The following KIAA1328 variants were observed in gnomAD, a reference collection of about 807,000 sequenced individuals.
The protein encoded by KIAA1328 is protein hinderin.
KIAA1328 carries 52 observed loss-of-function variants against 68.1 expected under a neutral mutation model. The ratio of observed to expected loss-of-function variants is 0.76; its 90% CI spans 0.61 to 0.96. The LOEUF is 0.96. KIAA1328 is among the 40% of genes least tolerant of loss of function. The pLI, the probability that KIAA1328 is intolerant of heterozygous loss-of-function variation, is 0.00. For synonymous variants in KIAA1328, 232 were observed against 239.4 expected (o/e 0.97, Z 0.28); for missense variants, 641 against 677.6 (o/e 0.95, Z 0.60).
intron 5 of KIAA1328, among the ~76,000 whole-genome samples, chr18:36,918,425 T>C (rs2151097692): frequency 6.6e-6 from 1 of 150,686 alleles, no homozygotes; most frequent in African/African-American, 2.4e-5. Context: ...TTTTTTTTTT[T>C]TTTTTGAGAC....
At chr18:36,960,579 G>T (rs1406663639) in intron 6 of KIAA1328, among the ~76,000 whole-genome samples, 2 of 152,156 alleles carry the variant, frequency 1.3e-5, no homozygotes, top group African/African-American at 4.8e-5. Context: ...CCTCATACAG[G>T]CAGGTGCCCC....
intron 9 of KIAA1328, among the ~76,000 whole-genome samples, chr18:37,180,518 T>G (rs2059679470): frequency 6.6e-6 from 1 of 152,176 alleles, no homozygotes; most frequent in Non-Finnish European, 1.5e-5. Context: ...TTTTTATAAC[T>G]TGATAGAAAG....
chr18:36,883,132 A>G (rs1354095997), intron 4 of KIAA1328, among the ~76,000 whole-genome samples: 1 of 152,178 alleles, frequency 6.6e-6, no homozygotes, highest in East Asian at 1.9e-4. Context: ...AGATTTTACC[A>G]TTCTAAACTG....
At chr18:37,112,356 G>A (rs1324226477) in intron 7 of KIAA1328, among the ~76,000 whole-genome samples, 2 of 152,190 alleles carry the variant, frequency 1.3e-5, no homozygotes, top group Admixed American at 6.5e-5. Context: ...AACATTTGCT[G>A]TTCTGCAATA....
intron 7 of KIAA1328, among the ~76,000 whole-genome samples, chr18:37,121,416 TTCTA>T (rs59343128): frequency 0.095 from 14,180 of 148,746 alleles, 799 homozygotes; most frequent in African/African-American, 0.16. Flanking sequence ...ATTTTAGGAC[TTCTA>T]TCTATCTATC....
chr18:36,834,249 T>C, intron 1 of KIAA1328, 71 bp from the exon 2 acceptor site: 1 of 1,359,470 alleles, frequency 7.4e-7, no homozygotes, highest in Non-Finnish European at 9.5e-7. Flanking sequence ...TTATAAGAGG[T>C]ATACAGAACA....
At chr18:37,170,483 A>G (rs140343900) in intron 8 of KIAA1328, among the ~76,000 whole-genome samples, 2 of 152,296 alleles carry the variant, frequency 1.3e-5, no homozygotes, top group Admixed American at 6.5e-5. Context: ...TTCAATAAAT[A>G]TTTCCTGACT....
Position 37,066,890 on chromosome 18 carries a change from G to T in KIAA1328, c.577G>T (p.Val193Leu). ...CAGGTGATCTTGTGGTTCTTTCTAG[G>T]TATCCAGTAGAAAAAGCACTCTCCA... is the stretch of plus-strand genomic sequence containing the variant. The part of the protein sequence containing the change: ...LGAARMQEQQ[V>L]SSRKSTLQCS... Residue 193 changes from valine (V) to leucine (L), a missense_variant and splice_region_variant, in exon 7 of 10, where the codon GTA becomes TTA. Physicochemically the swap from Val to Leu is conservative, Grantham distance 32. Transcript: ENST00000280020. 1 of 1,572,042 alleles carries T rather than the reference G, an allele frequency of 6.4e-7. No individual in the cohort carries two copies. The highest frequency in any genetic ancestry group is 8.6e-7 in the Non-Finnish European group (1 of 1,159,688).
chr18:36,993,565 A>G (rs1449086038), intron 6 of KIAA1328, among the ~76,000 whole-genome samples: 3 of 152,204 alleles, frequency 2.0e-5, no homozygotes, highest in Non-Finnish European at 4.4e-5. Flanking sequence ...GATCAAGTAG[A>G]TATTACACTT....
At chr18:37,160,887 T>C (rs1028245555) in intron 8 of KIAA1328, among the ~76,000 whole-genome samples, 19 of 152,202 alleles carry the variant, frequency 1.2e-4, no homozygotes, top group Non-Finnish European at 2.1e-4. Flanking sequence ...CTGTTATATG[T>C]GGTAGACTTT....
intron 5 of KIAA1328, among the ~76,000 whole-genome samples, chr18:36,915,622 T>C (rs745817325): frequency 1.3e-5 from 2 of 152,186 alleles, no homozygotes; most frequent in Non-Finnish European, 2.9e-5. Flanking sequence ...TACAATGAGA[T>C]AGTATTATCT....
At chr18:36,882,770 C>T (rs1163235508) in intron 4 of KIAA1328, among the ~76,000 whole-genome samples, 1 of 152,188 alleles carries the variant, frequency 6.6e-6, no homozygotes, top group African/African-American at 2.4e-5. Flanking sequence ...CAGACTCTGA[C>T]ATTATGGAAT....
In KIAA1328 at chr18:36,984,912, A is replaced by C. The variant is rs1456982990; in HGVS notation, c.576+25477A>C. On this transcript the variant is annotated intron_variant, in intron 6 of 9. Coordinates refer to ENST00000280020, the MANE Select transcript of KIAA1328 (RefSeq NM_020776.3). ...AGAGCAAGACTCCATCTCAAAAAAA[A>C]AAAAAAAAAAAAAAAATTAAGCAAT... Among the ~76,000 whole-genome samples the C allele has an allele frequency of 5.3e-5, 8 of 151,694 alleles. No individual in the cohort carries two copies. In the East Asian group the frequency reaches 1.2e-3, roughly 22 times the overall value.
chr18:37,108,625 G>A (rs1415302677), intron 7 of KIAA1328, among the ~76,000 whole-genome samples: 1 of 152,100 alleles, frequency 6.6e-6, no homozygotes, highest in Non-Finnish European at 1.5e-5. Context: ...TAAGTGAGAT[G>A]GTTAACACAT....
intron 7 of KIAA1328, among the ~76,000 whole-genome samples, chr18:37,125,872 G>A (rs1322159782): frequency 6.6e-6 from 1 of 152,204 alleles, no homozygotes; most frequent in South Asian, 2.1e-4. Flanking sequence ...AGTTGGTACA[G>A]ATATTCTGAT....
intron 9 of KIAA1328, among the ~76,000 whole-genome samples, chr18:37,187,451 G>A (rs569867261): frequency 2.0e-5 from 3 of 152,250 alleles, no homozygotes; most frequent in South Asian, 2.1e-4. Context: ...TATCTGCATA[G>A]CAAGATAGAA....
At chr18:37,205,233 C>T (rs1034492981) in intron 9 of KIAA1328, among the ~76,000 whole-genome samples, 2 of 152,172 alleles carry the variant, frequency 1.3e-5, no homozygotes, top group African/African-American at 4.8e-5. Flanking sequence ...ACTGACTACA[C>T]ATTAAGGCCA....
intron 5 of KIAA1328, chr18:36,902,197 G>A (rs753150886): frequency 4.6e-5 from 7 of 151,766 alleles, no homozygotes; most frequent in Non-Finnish European, 1.0e-4. Context: ...TAGAAGTGAG[G>A]CAATATTTTC....
At chr18:37,110,590 T>G (rs2151900828) in intron 7 of KIAA1328, among the ~76,000 whole-genome samples, 1 of 152,312 alleles carries the variant, frequency 6.6e-6, no homozygotes, top group East Asian at 1.9e-4. Context: ...TTCTTTACAT[T>G]GATTTTGGGA....
Sources: allele counts gnomAD v4.1 joint callset (sites outside exome capture counted in the v4.1 genomes callset), GRCh38; gene constraint gnomAD v4.1.1; transcripts MANE v1.5; gene names NCBI Gene and HGNC (gene_info 2026-07-23, HGNC 2026-07-21).